The following KHDRBS2 variants were observed in gnomAD, a reference collection of about 807,000 sequenced individuals.
The protein encoded by KHDRBS2 is KH RNA binding domain containing, signal transduction associated 2, also known as KH domain-containing, RNA-binding, signal transduction-associated protein 2.
In KHDRBS2, 26 loss-of-function variants were observed where a neutral mutation model predicts 44.3. The ratio of observed to expected loss-of-function variants is 0.59; its 90% CI spans 0.43 to 0.81. The LOEUF is 0.81. Among genes scored for constraint, KHDRBS2 ranks in the 40% least tolerant of loss-of-function variants. The pLI is 0.00. For synonymous variants in KHDRBS2, 194 were observed against 151.1 expected (o/e 1.28, Z -2.08); for missense variants, 476 against 433.1 (o/e 1.10, Z -0.88).
At chr6:61,837,144 CT>C (rs1792819700) in intron 6 of KHDRBS2, among the ~76,000 whole-genome samples, 2 of 151,898 alleles carry the variant, frequency 1.3e-5, no homozygotes, top group African/African-American at 4.8e-5. Flanking sequence ...ACTCTTGTAA[CT>C]TCTAAAAAGC....
chr6:61,617,010 G>C, the KHDRBS2 span, among the ~76,000 whole-genome samples: 5 of 151,866 alleles, frequency 3.3e-5, no homozygotes, highest in Non-Finnish European at 4.4e-5. Flanking sequence ...TGGAACATTG[G>C]AATGAGATCA....
intron 6 of KHDRBS2, among the ~76,000 whole-genome samples, chr6:61,797,761 GTGTA>G (rs1249800976): frequency 9.3e-4 from 131 of 140,710 alleles, no homozygotes; most frequent in African/African-American, 3.4e-3. Flanking sequence ...GTGTGTGTGT[GTGTA>G]TGTATATATA....
intron 6 of KHDRBS2, among the ~76,000 whole-genome samples, chr6:61,756,569 A>G (rs748413966): frequency 5.9e-5 from 9 of 152,168 alleles, no homozygotes; most frequent in Non-Finnish European, 1.3e-4. Flanking sequence ...CTCATTATGA[A>G]TTTTAGTGTT....
chr6:61,712,416 C>A (rs1407719698), intron 7 of KHDRBS2, among the ~76,000 whole-genome samples: 1 of 151,832 alleles, frequency 6.6e-6, no homozygotes, highest in Non-Finnish European at 1.5e-5. Context: ...TGTAGGTTTA[C>A]ATGACACATT....
At chr6:61,641,042 T>A in the KHDRBS2 span, among the ~76,000 whole-genome samples, 1 of 152,176 alleles carries the variant, frequency 6.6e-6, no homozygotes, top group African/African-American at 2.4e-5. Context: ...TAAGTTATAT[T>A]CTTGTGTATG....
chr6:61,682,611 G>GTGAT (rs1281950385), intron 8 of KHDRBS2, among the ~76,000 whole-genome samples: 1 of 151,868 alleles, frequency 6.6e-6, no homozygotes, highest in Non-Finnish European at 1.5e-5. Flanking sequence ...TTCAGTAACT[G>GTGAT]TGATAGAGAT....
chr6:62,042,100 T>C (rs1218861773), intron 3 of KHDRBS2, among the ~76,000 whole-genome samples: 1 of 152,112 alleles, frequency 6.6e-6, no homozygotes, highest in Non-Finnish European at 1.5e-5. Flanking sequence ...AGTTTCATTG[T>C]ATTCCCACAA....
chr6:61,590,440 C>T, the KHDRBS2 span, among the ~76,000 whole-genome samples: 1 of 152,086 alleles, frequency 6.6e-6, no homozygotes, highest in African/African-American at 2.4e-5. Flanking sequence ...ATAAATTCTG[C>T]AAGTTACTCT....
At chr6:62,090,594 T>TAACCC (rs1405826155) in intron 2 of KHDRBS2, among the ~76,000 whole-genome samples, 1 of 152,072 alleles carries the variant, frequency 6.6e-6, no homozygotes, top group Non-Finnish European at 1.5e-5. Context: ...TTAATTTTTT[T>TAACCC]TAACATTTAC....
chr6:61,764,154 A>C (rs966444521), intron 6 of KHDRBS2, among the ~76,000 whole-genome samples: 2 of 152,166 alleles, frequency 1.3e-5, no homozygotes, highest in African/African-American at 4.8e-5. Flanking sequence ...CCCTGCAAAA[A>C]CATGAGCTCA....
At position 61,993,650 on chromosome 6, in the gene KHDRBS2, CATATAT is replaced by C. The variant is rs1188471190; in HGVS notation, c.337-15444_337-15439del. 6.8e-3 allele frequency among the ~76,000 whole-genome samples: 449 copies of C among 66,402 alleles called. 10 individuals are homozygous for C. Among genetic ancestry groups the C allele is most frequent in the African/African-American group, 0.018 (442 of 25,220 alleles). The allele number at this position is 66,402 out of a possible 152,430, so 43.6% of individuals were successfully genotyped here. A position where few individuals can be genotyped will look rare whatever the true frequency, so the allele number is the denominator to read the frequency against. Reference sequence around the variant, plus strand: ...CTCTACTCCTTCAGTCCCATAAAATCATATATATATATATATATATATATTTTTTTT... The same window carrying C: ...CTCTACTCCTTCAGTCCCATAAAATCATATATATATATATATATTTTTTTT... On this transcript the variant is annotated intron_variant, in intron 3 of 8. Coordinates refer to ENST00000281156, the MANE Select transcript of KHDRBS2 (RefSeq NM_152688.4).
intron 1 of KHDRBS2, among the ~76,000 whole-genome samples, chr6:62,243,495 T>C (rs1326425099): frequency 6.6e-6 from 1 of 152,030 alleles, no homozygotes; most frequent in Non-Finnish European, 1.5e-5. Flanking sequence ...ACATGATGTG[T>C]TAAGATGCCC....
chr6:61,944,440 A>G (rs1270672908), intron 4 of KHDRBS2, among the ~76,000 whole-genome samples: 1 of 151,834 alleles, frequency 6.6e-6, no homozygotes, highest in East Asian at 1.9e-4. Flanking sequence ...CATATGTGCA[A>G]GGTAAAAAAA....
chr6:61,990,136 C>G lies in KHDRBS2; in HGVS notation c.337-11924G>C, dbSNP rs561869757. ...ACCACCAGAGATCTTCCAAACAAAC[C>G]TCACATAAGTAAATTTTGCCACAGT... On this transcript the variant is annotated intron_variant, in intron 3 of 8. Transcript: ENST00000281156. Among the ~76,000 whole-genome samples, 43 of 152,238 alleles carry G rather than the reference C, an allele frequency of 2.8e-4. No homozygotes were observed. In the East Asian group the frequency reaches 7.0e-3, roughly 25 times the overall value.
At chr6:62,134,992 G>A (rs2150093097) in intron 2 of KHDRBS2, among the ~76,000 whole-genome samples, 1 of 152,280 alleles carries the variant, frequency 6.6e-6, no homozygotes, top group African/African-American at 2.4e-5. Flanking sequence ...AGTTAATACT[G>A]AAATGAGTTG....
chr6:62,083,707 A>G (rs1797864140), intron 2 of KHDRBS2, among the ~76,000 whole-genome samples: 1 of 152,142 alleles, frequency 6.6e-6, no homozygotes, highest in Non-Finnish European at 1.5e-5. Flanking sequence ...CTGTGGGCTG[A>G]GTAAATGAGC....
At chr6:61,672,305 T>A in the KHDRBS2 span, among the ~76,000 whole-genome samples, 1 of 152,058 alleles carries the variant, frequency 6.6e-6, no homozygotes, top group African/African-American at 2.4e-5. Context: ...GCAATAAACA[T>A]ACGTGTGCAT....
intron 1 of KHDRBS2, among the ~76,000 whole-genome samples, chr6:62,203,123 C>A (rs185009785): frequency 6.6e-6 from 1 of 152,010 alleles, no homozygotes; most frequent in African/African-American, 2.4e-5. Context: ...GGGAAGCAAG[C>A]GTGGGAGGAG....
intron 2 of KHDRBS2, among the ~76,000 whole-genome samples, chr6:62,093,073 T>A (rs1413841566): frequency 2.0e-5 from 3 of 152,030 alleles, no homozygotes; most frequent in African/African-American, 7.2e-5. Context: ...GTATGTCTTA[T>A]TCAACTATAA....
Sources: allele counts gnomAD v4.1 joint callset (sites outside exome capture counted in the v4.1 genomes callset), GRCh38; gene constraint gnomAD v4.1.1; transcripts MANE v1.5; gene names NCBI Gene and HGNC (gene_info 2026-07-23, HGNC 2026-07-21).